VMP1: variants seen among roughly 807,000 people sequenced by gnomAD.
The protein encoded by VMP1 is ectopic P-granules autophagy protein 3 homolog.
VMP1 carries 11 observed loss-of-function variants against 56.0 expected under a neutral mutation model. That is an observed-to-expected ratio of 0.20 (90% CI 0.12 to 0.32). VMP1 has a LOEUF of 0.32. Among genes scored for constraint, VMP1 ranks in the 10% least tolerant of loss-of-function variants. VMP1 has a pLI of 1.00. For missense variants in VMP1, 296 were observed against 490.3 expected (o/e 0.60, Z 3.74); for synonymous variants, 149 against 165.0 (o/e 0.90, Z 0.74).
At chr17:59,717,377 C>T (rs1357014137) in intron 1 of VMP1, among the ~76,000 whole-genome samples, 1 of 152,032 alleles carries the variant, frequency 6.6e-6, no homozygotes, top group East Asian at 1.9e-4. Context: ...TGGGATTTTT[C>T]TTTTTCTAAT....
intron 2 of VMP1, among the ~76,000 whole-genome samples, chr17:59,734,902 CTTTTTTTTT>C (rs35072996): frequency 4.2e-5 from 3 of 72,284 alleles, no homozygotes; most frequent in East Asian, 5.0e-4. Context: ...GACTGGTTGC[CTTTTTTTTT>C]TTTTTTTTTT....
chr17:59,737,648 C>T, intron 4 of VMP1, 105 bp downstream of exon 4: 2 of 895,896 alleles, frequency 2.2e-6, no homozygotes, highest in Non-Finnish European at 3.3e-6. Flanking sequence ...CTACCCTCAA[C>T]ATTATCTCAT....
chr17:59,757,272 G>C (rs936493278), intron 5 of VMP1, among the ~76,000 whole-genome samples: 2 of 151,942 alleles, frequency 1.3e-5, no homozygotes, highest in Non-Finnish European at 2.9e-5. Context: ...TAGATAGATA[G>C]ATAGATAGAT....
intron 10 of VMP1, among the ~76,000 whole-genome samples, chr17:59,832,492 CT>C (rs2038843164): frequency 6.6e-6 from 1 of 152,012 alleles, no homozygotes; most frequent in South Asian, 2.1e-4. Flanking sequence ...TATTTTAGTC[CT>C]GCAGTTGACT....
chr17:59,724,791 A>G (rs11870590), intron 1 of VMP1, among the ~76,000 whole-genome samples: 1 of 151,484 alleles, frequency 6.6e-6, no homozygotes, highest in Non-Finnish European at 1.5e-5. Flanking sequence ...CAGTGAAACC[A>G]CGTCTCTACT....
At position 59,836,440 on chromosome 17, in the gene VMP1, C is replaced by T. The variant is rs373901085; in HGVS notation, c.975-1855C>T. Among the ~76,000 whole-genome samples the T allele has an allele frequency of 2.4e-4, 36 of 152,020 alleles. 1 individual carries two copies. The East Asian group carries it at 3.3e-3, about 14-fold the overall frequency. Reference sequence around the variant, plus strand: ...ATTGAACTCCTGGGCTCAAGCCATCCTCCCATCTTGGCCTCCCAAAGTGCT... The same window carrying T: ...ATTGAACTCCTGGGCTCAAGCCATCTTCCCATCTTGGCCTCCCAAAGTGCT... On this transcript the variant is annotated intron_variant, in intron 10 of 11. Transcript: ENST00000262291.
intron 5 of VMP1, among the ~76,000 whole-genome samples, chr17:59,759,386 A>G (rs1273467332): frequency 3.0e-5 from 4 of 131,272 alleles, no homozygotes; most frequent in Non-Finnish European, 5.3e-5. Context: ...AAAAAATAAA[A>G]TAAAGAAATT....
chr17:59,722,426 C>G (rs2034437012), intron 1 of VMP1, among the ~76,000 whole-genome samples: 1 of 151,920 alleles, frequency 6.6e-6, no homozygotes, highest in East Asian at 1.9e-4. Flanking sequence ...AAAACCAGTC[C>G]CCTTAAATTA....
intron 7 of VMP1, among the ~76,000 whole-genome samples, chr17:59,774,178 C>T (rs1214675763): frequency 6.6e-6 from 1 of 152,114 alleles, no homozygotes. Flanking sequence ...CTTACTTTCT[C>T]CATTATTTGT....
chr17:59,727,714 GT>G (rs2034663073), intron 1 of VMP1, among the ~76,000 whole-genome samples: 1 of 152,136 alleles, frequency 6.6e-6, no homozygotes, highest in Admixed American at 6.5e-5. Flanking sequence ...GTTTTTTATA[GT>G]TTAGGCATTT....
chr17:59,707,802 G>A (rs1381896366), intron 1 of VMP1, 54 bp downstream of exon 1: 1 of 152,318 alleles, frequency 6.6e-6, no homozygotes, highest in Non-Finnish European at 1.5e-5. Context: ...TGTCCTCAGA[G>A]CTTGGCGTCT....
At chr17:59,733,442 A>T (rs2143811985) in intron 2 of VMP1, among the ~76,000 whole-genome samples, 1 of 151,998 alleles carries the variant, frequency 6.6e-6, no homozygotes, top group East Asian at 1.9e-4. Context: ...TCACATCTGT[A>T]ATCCCAGCAC....
At chr17:59,749,927 A>C (rs1360406604) in intron 5 of VMP1, among the ~76,000 whole-genome samples, 2 of 152,210 alleles carry the variant, frequency 1.3e-5, no homozygotes, top group Non-Finnish European at 2.9e-5. Flanking sequence ...CATGATCTCT[A>C]CTTAACTTAC....
chr17:59,837,151 C>T (rs1473604563), intron 10 of VMP1, among the ~76,000 whole-genome samples: 1 of 151,132 alleles, frequency 6.6e-6, no homozygotes, highest in African/African-American at 2.4e-5. Flanking sequence ...TGCAGTGAGC[C>T]GAGATCAGGC....
At chr17:59,782,043 G>C (rs1220640339) in intron 7 of VMP1, among the ~76,000 whole-genome samples, 1 of 152,084 alleles carries the variant, frequency 6.6e-6, no homozygotes, top group Admixed American at 6.5e-5. Flanking sequence ...CAAGTAGCTA[G>C]GATTACAGGC....
chr17:59,791,184 CTTTTT>C (rs200633751), intron 7 of VMP1, among the ~76,000 whole-genome samples: 1 of 133,662 alleles, frequency 7.5e-6, no homozygotes, highest in Non-Finnish European at 1.5e-5. Flanking sequence ...TCCCAGTTCC[CTTTTT>C]TTTTTTTTTT....
intron 1 of VMP1, among the ~76,000 whole-genome samples, chr17:59,715,904 A>G (rs2034133243): frequency 6.6e-6 from 1 of 152,080 alleles, no homozygotes; most frequent in African/African-American, 2.4e-5. Flanking sequence ...AGTTCTGAGC[A>G]TTTAAAATTT....
At position 59,793,065 on chromosome 17, in the gene VMP1, T is replaced by G. The variant is rs1286266642; in HGVS notation, c.715-15731T>G. On this transcript the variant is annotated intron_variant, in intron 7 of 11. Coordinates refer to ENST00000262291, the MANE Select transcript of VMP1 (RefSeq NM_030938.5). The stretch of plus-strand genomic sequence containing the variant: ...TTTGCTCTTGTTGCCCAGACTGGAG[T>G]GCAATGGCACAATCTTGGCTTACCA... Among the ~76,000 whole-genome samples, 8 of 109,066 alleles carry G rather than the reference T, an allele frequency of 7.3e-5. 1 individual carries two copies. Among genetic ancestry groups the G allele is most frequent in the African/African-American group, 2.1e-4 (8 of 37,392 alleles). 71.6% of individuals were successfully genotyped at this position (109,066 alleles called of 152,430 possible).
At chr17:59,826,189 A>G (rs1039025859) in intron 10 of VMP1, among the ~76,000 whole-genome samples, 1 of 152,150 alleles carries the variant, frequency 6.6e-6, no homozygotes, top group Non-Finnish European at 1.5e-5. Flanking sequence ...TGTCCGTGGT[A>G]GTTTATATAT....
Sources: gnomAD v4.1 joint callset for allele counts (sites outside exome capture counted in the v4.1 genomes callset) on GRCh38, gnomAD v4.1.1 for gene constraint, MANE v1.5 for transcripts, NCBI Gene and HGNC (gene_info 2026-07-23, HGNC 2026-07-21) for gene names.